Variants in NUB1 observed in about 807,000 individuals in gnomAD.
NUB1 encodes NEDD8 ultimate buster 1.
NUB1 carries 41 observed loss-of-function variants against 77.1 expected under a neutral mutation model. That is an observed-to-expected ratio of 0.53 (90% CI 0.41 to 0.69). The LOEUF is 0.69. Among genes scored for constraint, NUB1 ranks in the 30% least tolerant of loss-of-function variants. The pLI is 0.00. For missense variants in NUB1, 643 were observed against 743.8 expected (o/e 0.86, Z 1.58); for synonymous variants, 257 against 281.0 (o/e 0.91, Z 0.85).
rs1272821505 is a variant in NUB1, at chr7:151,376,794, C to G, written c.1652C>G (p.Ser551Cys). Residue 551 changes from serine (S) to cysteine (C), a missense_variant, in exon 14 of 15, where the codon TCC becomes TGC. Physicochemically the swap from Ser to Cys is moderately radical, Grantham distance 112 (BLOSUM62 -1). Transcript: ENST00000568733. ...PEDSLSPPAT[S>C]PSDSAGTSSA... The stretch of plus-strand genomic sequence containing the variant: ...GACTCTTTGTCCCCGCCAGCCACGT[C>G]CCCTTCTGACTCCGCAGGTAGGTCT... 1.9e-6 allele frequency: 3 copies of G among 1,587,200 alleles called. No homozygotes were observed. The highest frequency in any genetic ancestry group is 2.3e-5 in the East Asian group (1 of 43,678).
At chr7:151,374,334 T>A (rs1190939454) in intron 12 of NUB1, 91 bp downstream of exon 12, 88 of 1,446,054 alleles carry the variant, frequency 6.1e-5, no homozygotes, top group Non-Finnish European at 8.2e-5. Flanking sequence ...CCTCCCGGGC[T>A]CACTCCTATG....
intron 1 of NUB1, among the ~76,000 whole-genome samples, chr7:151,344,180 CAAAAAAAA>C (rs561127147): frequency 2.9e-3 from 132 of 45,596 alleles, no homozygotes; most frequent in African/African-American, 7.1e-3. Context: ...GACTCCCTCT[CAAAAAAAA>C]AAAAAAAAAA....
chr7:151,352,470 A>T (rs755497424), intron 4 of NUB1: 9 of 291,024 alleles, frequency 3.1e-5, no homozygotes, highest in Non-Finnish European at 4.6e-5. Flanking sequence ...TAGAGACAGG[A>T]TCTTGCTCTG....
At position 151,374,176 on chromosome 7, in the gene NUB1, G is replaced by T. The variant is rs1338681848; in HGVS notation, c.1328G>T (p.Gly443Val). The change falls in exon 12 of 15, where the codon GGC becomes GTC. Residue 443 changes from glycine (G) to valine (V), a missense_variant. Coordinates refer to ENST00000568733, the MANE Select transcript of NUB1 (RefSeq NM_001243351.2). The stretch of plus-strand genomic sequence containing the variant: ...AACATCAGGTTTCTGAAAGGGATGG[G>T]CTACTCCACGCACGCGGCCCAGCAG... ...LENIRFLKGM[G>V]YSTHAAQQVL... is the part of the protein sequence containing the mutation. The T allele has an allele frequency of 6.3e-7, 1 of 1,575,498 alleles. No individual in the cohort carries two copies. Among genetic ancestry groups the T allele is most frequent in the Non-Finnish European group, 8.6e-7 (1 of 1,161,016 alleles).
At chr7:151,371,363 A>ACCCCCCCCCCCC (rs57489077) in intron 11 of NUB1, among the ~76,000 whole-genome samples, 1 of 118,770 alleles carries the variant, frequency 8.4e-6, no homozygotes, top group Non-Finnish European at 1.7e-5. Context: ...TTTTACCCCC[A>ACCCCCCCCCCCC]CCCCCCACCC....
At chr7:151,370,424 G>A (rs1797902076) in intron 11 of NUB1, among the ~76,000 whole-genome samples, 1 of 152,206 alleles carries the variant, frequency 6.6e-6, no homozygotes, top group South Asian at 2.1e-4. Context: ...GTTTTACATG[G>A]TCTAATTCAG....
chr7:151,349,011 T>G, intron 2 of NUB1, 62 bp from the exon 3 acceptor site: 4 of 1,510,706 alleles, frequency 2.6e-6, no homozygotes, highest in Non-Finnish European at 3.6e-6. Context: ...TTTCATGCCC[T>G]TTTCTATATT....
chr7:151,341,975 C>T (rs1050522514), intron 1 of NUB1, 129 bp downstream of exon 1: 2 of 1,313,248 alleles, frequency 1.5e-6, no homozygotes, highest in African/African-American at 3.1e-5. Context: ...GGTGAGCAGC[C>T]ATGCGTGGAG....
At chr7:151,373,395 C>A (rs1584972859) in intron 11 of NUB1, among the ~76,000 whole-genome samples, 1 of 152,320 alleles carries the variant, frequency 6.6e-6, no homozygotes, top group Admixed American at 6.5e-5. Context: ...TGGGAACTCT[C>A]CTGATTGGCC....
chr7:151,344,978 C>T (rs778126427), intron 1 of NUB1, among the ~76,000 whole-genome samples: 31 of 152,056 alleles, frequency 2.0e-4, no homozygotes, highest in African/African-American at 6.5e-4. Flanking sequence ...CCAGCCTGGG[C>T]GACAGAGCGA....
intron 8 of NUB1, among the ~76,000 whole-genome samples, chr7:151,362,053 C>T (rs1204480038): frequency 2.0e-5 from 3 of 152,178 alleles, no homozygotes; most frequent in African/African-American, 4.8e-5. Context: ...GGTTGATCTT[C>T]ATACATCTGT....
At chr7:151,350,132 G>A (rs1690241319) in intron 3 of NUB1, among the ~76,000 whole-genome samples, 2 of 152,242 alleles carry the variant, frequency 1.3e-5, no homozygotes, top group South Asian at 4.1e-4. Flanking sequence ...GATCAAAGAC[G>A]TTAATACTTT....
In NUB1 at chr7:151,376,488, A is replaced by T; in HGVS notation, c.1492-146A>T. On this transcript the variant is annotated intron_variant, in intron 13 of 14. Coordinates refer to ENST00000568733, the MANE Select transcript of NUB1 (RefSeq NM_001243351.2). ...CCAGGTTGCTCTACGCTCACATTGC[A>T]CAGAAGCATGACTTGTGCACAAAGG... The T allele has an allele frequency of 5.1e-6, 4 of 791,274 alleles. No homozygotes were observed. The South Asian group carries it at 8.2e-5, about 16-fold the overall frequency. 49.0% of individuals were successfully genotyped at this position (791,274 alleles called of 1,614,324 possible).
rs1798350445 is a variant in NUB1 at position 151,377,372 on chromosome 7, G to A, written c.*147G>A. On this transcript the variant is annotated 3_prime_UTR_variant, in exon 15 of 15. Transcript: ENST00000568733. Reference sequence around the variant, plus strand: ...GGGTGGGCAGGGGACAAGTCCAGGAGGGGTCCCAGGGCCTTCATGCGTGGT... The same window carrying A: ...GGGTGGGCAGGGGACAAGTCCAGGAAGGGTCCCAGGGCCTTCATGCGTGGT... The A allele has an allele frequency of 5.4e-6, 3 of 555,918 alleles. No individual in the cohort carries two copies. In the African/African-American group the frequency reaches 5.8e-5, roughly 11 times the overall value. 34.4% of individuals were successfully genotyped at this position (555,918 alleles called of 1,614,324 possible). A position where few individuals can be genotyped will look rare whatever the true frequency, so the allele number is the denominator to read the frequency against.
In NUB1 at chr7:151,377,039, T is replaced by C. The variant is rs996352816; in HGVS notation, c.1670-8T>C. The C allele has an allele frequency of 1.3e-6, 2 of 1,535,616 alleles. No homozygotes were observed. The highest frequency in any genetic ancestry group is 1.8e-6 in the Non-Finnish European group (2 of 1,141,728). On this transcript the variant is annotated splice_region_variant and splice_polypyrimidine_tract_variant and intron_variant, in intron 14 of 14. Coordinates refer to ENST00000568733, the MANE Select transcript of NUB1 (RefSeq NM_001243351.2). ...TAATTCACTTACTCCTGCGGTATTT[T>C]ATTGTAGGAACCTCTAGTGCCTCAA... is the stretch of plus-strand genomic sequence containing the variant.
rs572018778 is a variant in NUB1 at position 151,355,845 on chromosome 7, G to T, written c.493G>T (p.Ala165Ser). 1 of 1,612,698 alleles carries T rather than the reference G, an allele frequency of 6.2e-7. No individual in the cohort carries two copies. The highest frequency in any genetic ancestry group is 1.3e-5 in the African/African-American group (1 of 74,908). The change falls in exon 6 of 15, where the codon GCG becomes TCG. Residue 165 changes from alanine (A) to serine (S), a missense_variant. Transcript: ENST00000568733. Reference protein sequence around the residue: ...VLELKQSEEDARKNFQLEEEE... With the variant: ...VLELKQSEEDSRKNFQLEEEE... The stretch of plus-strand genomic sequence containing the variant: ...TGAACTAAAACAATCTGAAGAGGAC[G>T]CGAGGAAAAACTTCCAGTTAGAGGA...
At chr7:151,351,084 G>T in intron 3 of NUB1, 1 of 276,782 alleles carries the variant, frequency 3.6e-6, no homozygotes, top group Non-Finnish European at 6.9e-6. Context: ...TGGTTGCCAG[G>T]GGCTGGGGGG....
intron 4 of NUB1, among the ~76,000 whole-genome samples, chr7:151,351,916 A>AACACACAC (rs1204427761): frequency 0.1 from 15,244 of 151,052 alleles, 1,019 homozygotes; most frequent in African/African-American, 0.18. Flanking sequence ...CCATCTGTAA[A>AACACACAC]ACACACACAC....
intron 3 of NUB1, 118 bp from the exon 4 acceptor site, chr7:151,351,306 A>G (rs1796784224): frequency 1.3e-6 from 1 of 763,410 alleles, no homozygotes; most frequent in Non-Finnish European, 2.3e-6. Context: ...GCAGCATTTT[A>G]GTTTTTAACA....
Sources: allele counts gnomAD v4.1 joint callset (sites outside exome capture counted in the v4.1 genomes callset), GRCh38; gene constraint gnomAD v4.1.1; transcripts MANE v1.5; gene names NCBI Gene and HGNC (gene_info 2026-07-23, HGNC 2026-07-21).